Variants in PDE4DIP observed in about 807,000 individuals in gnomAD.
PDE4DIP encodes the protein myomegalin.
A neutral mutation model predicts 221.4 loss-of-function variants in PDE4DIP; 59 were observed. The ratio of observed to expected loss-of-function variants is 0.27; its 90% CI spans 0.22 to 0.33. PDE4DIP has a LOEUF of 0.33. Among genes scored for constraint, PDE4DIP ranks in the 10% least tolerant of loss-of-function variants. The probability of loss-of-function intolerance (pLI) is 1.00; values close to 1 mark genes in which losing one functional copy is unlikely to be tolerated. For synonymous variants in PDE4DIP, 404 were observed against 815.9 expected, an observed-to-expected ratio of 0.50 and a Z score of 8.60; for missense variants, 1,036 against 2,154.2, an observed-to-expected ratio of 0.48 and a Z score of 10.28.
At chr1:149,026,374 A>G (rs1553627633) in intron 38 of PDE4DIP, 1 of 167,564 alleles carries the variant, frequency 6.0e-6, no homozygotes, top group Non-Finnish European at 1.3e-5. Context: ...ATATTTATAC[A>G]TATTACATTT....
At chr1:148,830,456 T>C (rs2442658) in intron 1 of PDE4DIP, among the ~76,000 whole-genome samples, 14 of 95,842 alleles carry the variant, frequency 1.5e-4, no homozygotes, top group East Asian at 4.9e-4. Context: ...CTTTAAGTTC[T>C]AGGGTACATG....
chr1:148,952,030 A>T (rs2053471011), intron 5 of PDE4DIP: 1 of 1,007,480 alleles, frequency 9.9e-7, no homozygotes, highest in Non-Finnish European at 1.2e-6. Context: ...CCCCGCTGGC[A>T]GCCGGAGGAC....
chr1:148,958,439 A>G (rs1414858678), intron 5 of PDE4DIP, among the ~76,000 whole-genome samples: 2 of 152,182 alleles, frequency 1.3e-5, no homozygotes, highest in African/African-American at 4.8e-5. Context: ...TCTCATTTCA[A>G]TTAAAATGAA....
chr1:148,978,540 G>T, intron 19 of PDE4DIP, 125 bp downstream of exon 22: 1 of 616,842 alleles, frequency 1.6e-6, no homozygotes, highest in Non-Finnish European at 2.8e-6. Flanking sequence ...GACTGCAAGT[G>T]ATCCATCCTC....
At chr1:148,960,855 C>T (rs2056757920) in intron 6 of PDE4DIP, 70 bp downstream of exon 9, 1 of 517,552 alleles carries the variant, frequency 1.9e-6, no homozygotes, top group African/African-American at 1.9e-5. Flanking sequence ...TAGCCTGAGT[C>T]TGTCAACCTT....
chr1:148,971,424 C>T (rs1283819567), intron 14 of PDE4DIP, among the ~76,000 whole-genome samples: 4 of 148,550 alleles, frequency 2.7e-5, no homozygotes, highest in African/African-American at 9.8e-5. Flanking sequence ...GAAGAGATTG[C>T]TGGGTTTTAA....
At chr1:148,922,754 AT>A (rs1479287425) in intron 1 of PDE4DIP, among the ~76,000 whole-genome samples, 1 of 148,570 alleles carries the variant, frequency 6.7e-6, no homozygotes, top group Admixed American at 6.7e-5. Context: ...CACCCGGCTA[AT>A]TTTTTGTATT....
intron 31 of PDE4DIP, among the ~76,000 whole-genome samples, chr1:149,011,022 A>G (rs1202885207): frequency 1.1e-4 from 16 of 150,032 alleles, no homozygotes; most frequent in African/African-American, 4.0e-4. Flanking sequence ...GTAGCCAAGG[A>G]TGGTGAGAAC....
exon 19 of PDE4DIP, chr1:148,978,354 G>A (rs868989785): frequency 1.2e-6 from 2 of 1,612,022 alleles, no homozygotes; most frequent in Admixed American, 1.7e-5. Flanking sequence ...TTACTTCTTC[G>A]GGAAAAAGTT....
exon 33 of PDE4DIP, chr1:149,016,346 G>A (rs148617852): frequency 1.2e-5 from 19 of 1,602,702 alleles, no homozygotes; most frequent in Middle Eastern, 1.7e-4. Flanking sequence ...GCTGAGCAAC[G>A]ACTTGGAAGC....
chr1:148,829,017 A>AACACACACAC (rs5777522), intron 1 of PDE4DIP, among the ~76,000 whole-genome samples: 497 of 143,096 alleles, frequency 3.5e-3, no homozygotes, highest in African/African-American at 0.012. Flanking sequence ...TTCCTGCATA[A>AACACACACAC]ACACACACAC....
At chr1:148,862,110 G>C (rs1214526625) in intron 1 of PDE4DIP, among the ~76,000 whole-genome samples, 10 of 136,798 alleles carry the variant, frequency 7.3e-5, no homozygotes, top group Non-Finnish European at 1.6e-4. Flanking sequence ...GAGCAGCCTT[G>C]TCTACTGAAA....
At position 148,926,691 on chromosome 1, in the gene PDE4DIP, C is replaced by T. The variant is rs587764800; in HGVS notation, c.142-2506C>T. The stretch of plus-strand genomic sequence containing the variant: ...CTATTACACATTAGGAAGTTGCTCC[C>T]TCTTTGCATTTCCCACATAATTGAA... On this transcript the variant is annotated intron_variant, in intron 1 of 43. Transcript: ENST00000369354. Among the ~76,000 whole-genome samples, 27 of 151,864 alleles carry T rather than the reference C, an allele frequency of 1.8e-4. No individual in the cohort carries two copies. In the South Asian group the frequency reaches 5.4e-3, roughly 30 times the overall value.
chr1:148,977,362 A>ATTT (rs2060378751), intron 17 of PDE4DIP, among the ~76,000 whole-genome samples: 1 of 60,134 alleles, frequency 1.7e-5, no homozygotes, highest in Non-Finnish European at 3.3e-5. Context: ...ATGATTTTTA[A>ATTT]TGAAGTTTGT....
chr1:148,879,214 CTTTAT>C (rs1260657211), intron 3 of PDE4DIP, among the ~76,000 whole-genome samples: 2 of 79,584 alleles, frequency 2.5e-5, no homozygotes, highest in Admixed American at 2.6e-4. Flanking sequence ...CTTTTTAAAA[CTTTAT>C]TTTATTTATT....
chr1:148,978,489 A>G, intron 19 of PDE4DIP, 74 bp downstream of exon 22: 4 of 995,084 alleles, frequency 4.0e-6, no homozygotes, highest in Non-Finnish European at 5.9e-6. Flanking sequence ...TTTAGTAGAG[A>G]TGGAGTTTCA....
intron 14 of PDE4DIP, among the ~76,000 whole-genome samples, chr1:148,969,807 A>G (rs2058858535): frequency 6.6e-6 from 1 of 151,748 alleles, no homozygotes; most frequent in South Asian, 2.1e-4. Flanking sequence ...CCTGGGTTCA[A>G]GCAATTCTTC....
chr1:148,901,960 ATTTAGAAAGTTTAT>A (rs1368480326), intron 1 of PDE4DIP, among the ~76,000 whole-genome samples: 1 of 112,480 alleles, frequency 8.9e-6, no homozygotes, highest in Non-Finnish European at 1.7e-5. Context: ...GTCTCAGTAA[ATTTAGAAAGTTTAT>A]TTTGCCAAGG....
chr1:148,902,127 G>A (rs1159160860), intron 1 of PDE4DIP, among the ~76,000 whole-genome samples: 1 of 43,456 alleles, frequency 2.3e-5, no homozygotes, highest in African/African-American at 1.3e-4. Context: ...GGTTCGGTCT[G>A]GAAAGGCGGG....
Sources: gnomAD v4.1 joint callset for allele counts (sites outside exome capture counted in the v4.1 genomes callset) on GRCh38, gnomAD v4.1.1 for gene constraint, MANE v1.5 for transcripts, NCBI Gene and HGNC (gene_info 2026-07-23, HGNC 2026-07-21) for gene names.